The following LYPD6B variants were observed in gnomAD, a reference collection of about 807,000 sequenced individuals.
The protein encoded by LYPD6B is ly6/PLAUR domain-containing protein 6B.
A neutral mutation model predicts 22.8 loss-of-function variants in LYPD6B; 17 were observed. The ratio of observed to expected loss-of-function variants is 0.75; its 90% CI spans 0.51 to 1.12. LYPD6B has a LOEUF of 1.12. Among genes scored for constraint, LYPD6B ranks in the 50% most tolerant of loss-of-function variants. The pLI is 0.00. For missense variants in LYPD6B, 221 were observed against 258.3 expected (o/e 0.86, Z 0.99); for synonymous variants, 106 against 91.6 (o/e 1.16, Z -0.90).
At chr2:149,083,004 G>A (rs74510369) in intron 1 of LYPD6B, among the ~76,000 whole-genome samples, 2,552 of 152,284 alleles carry the variant, frequency 0.017, 65 homozygotes, top group African/African-American at 0.055. Context: ...TGCCAGCATG[G>A]AGAGCAGATG....
intron 1 of LYPD6B, among the ~76,000 whole-genome samples, chr2:149,118,643 T>C (rs1464537549): frequency 1.3e-5 from 2 of 152,252 alleles, no homozygotes; most frequent in African/African-American, 4.8e-5. Context: ...ATAACTACTT[T>C]ATTTCTTGAG....
chr2:149,107,339 G>A (rs570292674), intron 1 of LYPD6B, among the ~76,000 whole-genome samples: 7 of 152,304 alleles, frequency 4.6e-5, no homozygotes, highest in African/African-American at 1.7e-4. Flanking sequence ...AAGCTGGACC[G>A]TGTGATATTT....
intron 2 of LYPD6B, 55 bp downstream of exon 2, chr2:149,131,008 A>G: frequency 8.0e-7 from 1 of 1,257,848 alleles, no homozygotes; most frequent in African/African-American, 1.5e-5. Flanking sequence ...TTAACTATAA[A>G]TGCTTACCAC....
At chr2:149,050,615 C>G (rs535579953) in intron 1 of LYPD6B, among the ~76,000 whole-genome samples, 2 of 152,290 alleles carry the variant, frequency 1.3e-5, no homozygotes, top group African/African-American at 2.4e-5. Context: ...ATGAGGGCTG[C>G]AAGTAACCCA....
At chr2:149,139,252 C>T (rs1575045840) in intron 2 of LYPD6B, among the ~76,000 whole-genome samples, 1 of 152,264 alleles carries the variant, frequency 6.6e-6, no homozygotes, top group Non-Finnish European at 1.5e-5. Context: ...AAACATAACC[C>T]GTTCTCCACT....
At chr2:149,207,934 TTAATCTGACTCCAG>T (rs1693603209) in intron 4 of LYPD6B, among the ~76,000 whole-genome samples, 11 of 152,092 alleles carry the variant, frequency 7.2e-5, no homozygotes, top group African/African-American at 2.7e-4. Context: ...CAAACTCAGG[TTAATCTGACTCCAG>T]TTCTTTTCAG....
chr2:149,188,592 G>A, intron 3 of LYPD6B: 1 of 414,628 alleles, frequency 2.4e-6, no homozygotes, highest in Non-Finnish European at 3.2e-6. Context: ...ACAGGATTAT[G>A]TAAATCACTC....
chr2:149,043,099 G>A (rs1174753758), intron 1 of LYPD6B, among the ~76,000 whole-genome samples: 2 of 152,150 alleles, frequency 1.3e-5, no homozygotes, highest in Non-Finnish European at 2.9e-5. Context: ...TTTGGTAGCA[G>A]GGAAAGGAAG....
intron 1 of LYPD6B, among the ~76,000 whole-genome samples, chr2:149,102,803 T>C (rs1016840928): frequency 8.5e-5 from 13 of 152,120 alleles, no homozygotes; most frequent in African/African-American, 3.1e-4. Flanking sequence ...CTTATTTTTG[T>C]ATTTGTTTTG....
chr2:149,083,872 C>T (rs1429554811), intron 1 of LYPD6B, among the ~76,000 whole-genome samples: 4 of 151,778 alleles, frequency 2.6e-5, no homozygotes, highest in East Asian at 1.9e-4. Flanking sequence ...GTCAGCAGTT[C>T]GAGACCATCC....
intron 1 of LYPD6B, among the ~76,000 whole-genome samples, chr2:149,044,702 A>G (rs1222397563): frequency 2.0e-5 from 3 of 152,078 alleles, no homozygotes; most frequent in Non-Finnish European, 2.9e-5. Context: ...GCAGGCAGCA[A>G]TAAATCTTTC....
At chr2:149,074,169 G>A (rs1684773297) in intron 1 of LYPD6B, among the ~76,000 whole-genome samples, 1 of 152,146 alleles carries the variant, frequency 6.6e-6, no homozygotes, top group Non-Finnish European at 1.5e-5. Flanking sequence ...GTCAATGTGG[G>A]TTCAGGTCAG....
At chr2:149,171,356 A>T (rs1355415452) in intron 3 of LYPD6B, among the ~76,000 whole-genome samples, 1 of 150,888 alleles carries the variant, frequency 6.6e-6, no homozygotes, top group Non-Finnish European at 1.5e-5. Flanking sequence ...CTTTTTCATT[A>T]TCAAAAAACA....
intron 1 of LYPD6B, among the ~76,000 whole-genome samples, chr2:149,084,725 T>C (rs1346334899): frequency 2.0e-5 from 3 of 152,216 alleles, no homozygotes; most frequent in African/African-American, 7.2e-5. Flanking sequence ...TTACGAGGAA[T>C]GTTCAGATTA....
intron 3 of LYPD6B, among the ~76,000 whole-genome samples, chr2:149,163,964 C>T (rs1004811433): frequency 6.6e-6 from 1 of 152,108 alleles, no homozygotes; most frequent in African/African-American, 2.4e-5. Flanking sequence ...CATATATTCT[C>T]TTCGTAAGAG....
chr2:149,156,819 GAATT>G (rs1689732758), intron 2 of LYPD6B, among the ~76,000 whole-genome samples: 1 of 152,154 alleles, frequency 6.6e-6, no homozygotes, highest in South Asian at 2.1e-4. Context: ...CAACAGAAGG[GAATT>G]GTCATTCTAC....
chr2:149,059,938 T>C (rs1037797576), intron 1 of LYPD6B, among the ~76,000 whole-genome samples: 2 of 151,758 alleles, frequency 1.3e-5, no homozygotes, highest in African/African-American at 2.4e-5. Flanking sequence ...GAGTGGCTGG[T>C]GCAAAGGTGT....
chr2:149,085,124 A>G (rs1441096353), intron 1 of LYPD6B, among the ~76,000 whole-genome samples: 1 of 152,134 alleles, frequency 6.6e-6, no homozygotes, highest in East Asian at 1.9e-4. Flanking sequence ...ACAGGTGCTG[A>G]TGTGTCATAC....
chr2:149,212,398 A>AAAG (rs1553504193), intron 5 of LYPD6B, among the ~76,000 whole-genome samples: 4 of 150,686 alleles, frequency 2.7e-5, no homozygotes, highest in Non-Finnish European at 4.4e-5. Flanking sequence ...AAAAAAAAAA[A>AAAG]AAAAAAGAAA....
Sources: allele counts gnomAD v4.1 joint callset (sites outside exome capture counted in the v4.1 genomes callset), GRCh38; gene constraint gnomAD v4.1.1; transcripts MANE v1.5; gene names NCBI Gene and HGNC (gene_info 2026-07-23, HGNC 2026-07-21).